The following NELL2 variants were observed in gnomAD, a reference collection of about 807,000 sequenced individuals.
The protein encoded by NELL2 is protein kinase C-binding protein NELL2.
In NELL2, 41 loss-of-function variants were observed where a neutral mutation model predicts 109.6. The ratio of observed to expected loss-of-function variants is 0.37; its 90% CI spans 0.29 to 0.49. The LOEUF (loss-of-function observed/expected upper bound fraction) is 0.49, where lower values mean the gene tolerates loss of function less well. NELL2 is among the 20% of genes least tolerant of loss of function. NELL2 has a pLI of 0.98. For missense variants in NELL2, 900 were observed against 1,008.3 expected (o/e 0.89, Z 1.45); for synonymous variants, 355 against 344.7 (o/e 1.03, Z -0.33).
chr12:44,566,893 C>T (rs551187205), intron 15 of NELL2, among the ~76,000 whole-genome samples: 1 of 152,038 alleles, frequency 6.6e-6, no homozygotes, highest in South Asian at 2.1e-4. Context: ...CTCACTGAAA[C>T]ATCCACCTCT....
chr12:44,648,832 T>A (rs1217148929), intron 13 of NELL2, among the ~76,000 whole-genome samples: 1 of 146,066 alleles, frequency 6.8e-6, no homozygotes. Flanking sequence ...GCCTCCCAGG[T>A]CCAAGCGATT....
chr12:44,764,190 T>C (rs1015500806), intron 9 of NELL2, among the ~76,000 whole-genome samples: 1 of 152,326 alleles, frequency 6.6e-6, no homozygotes, highest in South Asian at 2.1e-4. Flanking sequence ...AAGGTAGGTC[T>C]AAACCTTTTA....
chr12:44,880,879 C>T (rs1945404127), upstream of NELL2: 1 of 151,722 alleles, frequency 6.6e-6, no homozygotes, highest in South Asian at 2.1e-4. Context: ...TTTGGCTAGT[C>T]AACTGAAGCA....
intron 9 of NELL2, among the ~76,000 whole-genome samples, chr12:44,745,974 G>C (rs1222932196): frequency 6.6e-6 from 1 of 152,114 alleles, no homozygotes; most frequent in Non-Finnish European, 1.5e-5. Flanking sequence ...AACCAAAAAA[G>C]AGCCCGCATT....
At chr12:44,668,570 G>C (rs765618054) in intron 12 of NELL2, among the ~76,000 whole-genome samples, 1 of 152,006 alleles carries the variant, frequency 6.6e-6, no homozygotes, top group Non-Finnish European at 1.5e-5. Flanking sequence ...TGGTGCCCAC[G>C]TGCACTATCA....
chr12:44,644,793 C>T (rs544267007), intron 13 of NELL2, among the ~76,000 whole-genome samples: 284 of 151,328 alleles, frequency 1.9e-3, no homozygotes, highest in African/African-American at 6.6e-3. Flanking sequence ...TTCATCTATA[C>T]CTCCTAGGAA....
At chr12:44,811,025 A>C (rs969903189) in intron 3 of NELL2, among the ~76,000 whole-genome samples, 3 of 152,154 alleles carry the variant, frequency 2.0e-5, no homozygotes, top group Non-Finnish European at 4.4e-5. Flanking sequence ...TGTCCTTTGC[A>C]GGGACATGGA....
At chr12:44,852,556 C>T (rs921472444) in intron 2 of NELL2, among the ~76,000 whole-genome samples, 1 of 152,142 alleles carries the variant, frequency 6.6e-6, no homozygotes, top group African/African-American at 2.4e-5. Flanking sequence ...TTTCAGATGC[C>T]TGTGTAATTA....
chr12:44,913,916 G>C (rs1945806058), exon 1 of NELL2: 1 of 446,482 alleles, frequency 2.2e-6, no homozygotes, highest in South Asian at 3.1e-5. Flanking sequence ...GTAAATGTTA[G>C]ATGGATCCTT....
At position 44,876,191 on chromosome 12, in the gene NELL2, T is replaced by A; in HGVS notation, c.-322A>T. On this transcript the variant is annotated 5_prime_UTR_variant, in exon 1 of 20. Transcript: ENST00000429094. ...TCGGGGAATTAGCTCCCGAGCCGAA[T>A]AAAAGCAGCCAAAGACTCGCACACC... 1 of 1,220,850 alleles carries A rather than the reference T, an allele frequency of 8.2e-7. No homozygotes were observed. Among genetic ancestry groups the A allele is most frequent in the Admixed American group, 3.8e-5 (1 of 26,420 alleles). 75.6% of individuals were successfully genotyped at this position (1,220,850 alleles called of 1,614,324 possible). A position where few individuals can be genotyped will look rare whatever the true frequency, so the allele number is the denominator to read the frequency against.
At chr12:44,548,620 C>T (rs1942902717) in intron 15 of NELL2, among the ~76,000 whole-genome samples, 1 of 151,664 alleles carries the variant, frequency 6.6e-6, no homozygotes, top group African/African-American at 2.4e-5. Flanking sequence ...GCTAAGCTAC[C>T]GTTTTTTTTG....
chr12:44,865,406 A>G (rs1944964230), intron 2 of NELL2, among the ~76,000 whole-genome samples: 1 of 126,194 alleles, frequency 7.9e-6, no homozygotes, highest in Non-Finnish European at 1.7e-5. Flanking sequence ...AAGACTTGGA[A>G]CCAACCCAAA....
chr12:44,883,445 C>G (rs886540507), intron 1 of NELL2, among the ~76,000 whole-genome samples: 14 of 151,918 alleles, frequency 9.2e-5, no homozygotes, highest in African/African-American at 2.7e-4. Flanking sequence ...TAGATTAGGA[C>G]CCCCTGGATA....
At chr12:44,885,662 T>A (rs1945462533) in intron 1 of NELL2, among the ~76,000 whole-genome samples, 2 of 151,962 alleles carry the variant, frequency 1.3e-5, no homozygotes, top group Non-Finnish European at 2.9e-5. Flanking sequence ...ATCTACGTGC[T>A]CACAGATACA....
intron 2 of NELL2, among the ~76,000 whole-genome samples, chr12:44,833,571 G>C (rs536918962): frequency 1.3e-5 from 2 of 152,278 alleles, no homozygotes; most frequent in South Asian, 2.1e-4. Flanking sequence ...CCAAGACAGA[G>C]AGAAGGGTTC....
chr12:44,562,414 C>T (rs1311054284), intron 15 of NELL2, among the ~76,000 whole-genome samples: 2 of 152,034 alleles, frequency 1.3e-5, no homozygotes, highest in Non-Finnish European at 2.9e-5. Flanking sequence ...TGCAATCTAT[C>T]CATCTGACAA....
chr12:44,548,048 C>T (rs1204794402), intron 15 of NELL2, among the ~76,000 whole-genome samples: 1 of 152,122 alleles, frequency 6.6e-6, no homozygotes, highest in Non-Finnish European at 1.5e-5. Context: ...TCACATTATT[C>T]ATCTTCATAA....
rs887178298 is a variant in NELL2, at chr12:44,786,956, T to C, written c.336-6934A>G. The stretch of plus-strand genomic sequence containing the variant: ...GCTTAAAACCTAGATGATGGGTTGA[T>C]GGGTGCAGTAAACAACCATGGCACA... On this transcript the variant is annotated intron_variant, in intron 3 of 19. Coordinates refer to ENST00000429094, the MANE Select transcript of NELL2 (RefSeq NM_001145108.2). Among the ~76,000 whole-genome samples the C allele has an allele frequency of 4.6e-5, 7 of 152,192 alleles. No individual in the cohort carries two copies. The East Asian group carries it at 1.4e-3, about 29-fold the overall frequency.
chr12:44,587,307 A>ATTTT (rs67322195), intron 15 of NELL2, among the ~76,000 whole-genome samples: 51 of 96,642 alleles, frequency 5.3e-4, no homozygotes, highest in African/African-American at 1.8e-3. Flanking sequence ...ATATATATAT[A>ATTTT]TTTTTTTTTA....
Sources: gnomAD v4.1 joint callset for allele counts (sites outside exome capture counted in the v4.1 genomes callset) on GRCh38, gnomAD v4.1.1 for gene constraint, MANE v1.5 for transcripts, NCBI Gene and HGNC (gene_info 2026-07-23, HGNC 2026-07-21) for gene names.